Variants in CFHR5 observed in about 807,000 individuals in gnomAD.
The protein encoded by CFHR5 is complement factor H related 5.
In CFHR5, 73 loss-of-function variants were observed where a neutral mutation model predicts 62.9. The ratio of observed to expected loss-of-function variants is 1.16; its 90% CI spans 0.96 to 1.41. CFHR5 has a LOEUF of 1.41. CFHR5 is among the 40% of genes most tolerant of loss of function. The pLI is 0.00. For missense variants in CFHR5, 779 were observed against 679.9 expected, an observed-to-expected ratio of 1.15 and a Z score of -1.62; for synonymous variants, 249 against 227.2, an observed-to-expected ratio of 1.10 and a Z score of -0.86.
At chr1:196,990,459 C>A (rs560238773) in intron 3 of CFHR5, among the ~76,000 whole-genome samples, 76 of 152,174 alleles carry the variant, frequency 5.0e-4, no homozygotes, top group Non-Finnish European at 9.1e-4. Context: ...CAGTTTCTAC[C>A]TAGCATAGAT....
At chr1:196,993,058 A>G (rs1408085075) in intron 3 of CFHR5, among the ~76,000 whole-genome samples, 3 of 152,122 alleles carry the variant, frequency 2.0e-5, no homozygotes, top group African/African-American at 7.2e-5. Flanking sequence ...AATGAGAAAA[A>G]CACACATATT....
chr1:197,001,435 TAA>T (rs1466161631), intron 7 of CFHR5, among the ~76,000 whole-genome samples: 2 of 152,106 alleles, frequency 1.3e-5, no homozygotes, highest in Non-Finnish European at 2.9e-5. Context: ...TTAATCTAGC[TAA>T]ACCAGGAAAG....
intron 1 of CFHR5, 149 bp downstream of exon 1, chr1:196,977,871 A>G: frequency 2.8e-6 from 2 of 704,434 alleles, no homozygotes; most frequent in Non-Finnish European, 5.0e-6. Flanking sequence ...TTCTGGAAAT[A>G]TTTTCCAACA....
rs1360672252 is a variant in CFHR5 at position 197,004,745 on chromosome 1, CA to C, written c.1417del (p.Thr473GlnfsTer2). 5 of 1,613,048 alleles carry C rather than the reference CA, an allele frequency of 3.1e-6. No individual in the cohort carries two copies. Among genetic ancestry groups the C allele is most frequent in the Non-Finnish European group, 4.2e-6 (5 of 1,179,254 alleles). ...SFPLSVYPPG[S>X]TVTYRCQSFY... Reference sequence around the variant, plus strand: ...CCATTATCAGTATATCCTCCAGGGTCAACAGTGACGTACCGTTGCCAGTCCT... The same window carrying C: ...CCATTATCAGTATATCCTCCAGGGTCACAGTGACGTACCGTTGCCAGTCCT... On this transcript the variant is annotated frameshift_variant, in exon 9 of 10. Transcript: ENST00000256785. LOFTEE classifies it high-confidence loss of function.
At chr1:197,006,194 T>A (rs975118185) in intron 9 of CFHR5, among the ~76,000 whole-genome samples, 2 of 152,060 alleles carry the variant, frequency 1.3e-5, no homozygotes, top group Non-Finnish European at 2.9e-5. Flanking sequence ...ACCTAAAAAG[T>A]GTGTACCATG....
intron 2 of CFHR5, among the ~76,000 whole-genome samples, chr1:196,983,693 A>G (rs114117571): frequency 0.013 from 2,052 of 152,266 alleles, 39 homozygotes; most frequent in African/African-American, 0.045. Flanking sequence ...TTATATGAAG[A>G]TATTGTTTTG....
At position 196,995,641 on chromosome 1, in the gene CFHR5, T is replaced by C. The variant is rs1653968006; in HGVS notation, c.608-76T>C. 2.6e-5 allele frequency: 34 copies of C among 1,311,066 alleles called. 1 individual carries two copies. In the South Asian group the frequency reaches 3.7e-4, roughly 14 times the overall value. The allele number at this position is 1,311,066 out of a possible 1,614,324, so 81.2% of individuals were successfully genotyped here. A position where few individuals can be genotyped will look rare whatever the true frequency, so the allele number is the denominator to read the frequency against. ...AATATAAAGGCAATTAATTTCTAAG[T>C]CAAAAATTTAGTAACTCCACATTTT... On this transcript the variant is annotated intron_variant, in intron 4 of 9. Transcript: ENST00000256785.
intron 7 of CFHR5, 24 bp from the exon 8 acceptor site, chr1:197,002,458 T>G: frequency 1.3e-6 from 2 of 1,585,254 alleles, no homozygotes; most frequent in East Asian, 2.3e-5. Flanking sequence ...ATTAATCATA[T>G]AATTTAATTC....
intron 3 of CFHR5, among the ~76,000 whole-genome samples, chr1:196,992,626 A>C (rs1031794319): frequency 2.0e-5 from 3 of 152,224 alleles, no homozygotes; most frequent in African/African-American, 7.2e-5. Flanking sequence ...TGGGAGCTGC[A>C]GACCAGAGCT....
intron 6 of CFHR5, 124 bp downstream of exon 6, chr1:196,996,325 A>G: frequency 1.3e-6 from 1 of 770,396 alleles, no homozygotes; most frequent in Non-Finnish European, 2.2e-6. Flanking sequence ...CACAAGTAAA[A>G]TATGTCAATC....
At chr1:196,986,658 G>A (rs1419917620) in intron 3 of CFHR5, among the ~76,000 whole-genome samples, 1 of 151,986 alleles carries the variant, frequency 6.6e-6, no homozygotes, top group African/African-American at 2.4e-5. Flanking sequence ...TCAGAATGAT[G>A]GTTTCCAGGT....
At chr1:197,004,252 T>C (rs1654228642) in intron 8 of CFHR5, among the ~76,000 whole-genome samples, 1 of 152,144 alleles carries the variant, frequency 6.6e-6, no homozygotes, top group Admixed American at 6.5e-5. Flanking sequence ...GTGTCTGCAA[T>C]TCATTTTCAG....
chr1:196,997,651 G>A (rs1478339768), intron 6 of CFHR5, among the ~76,000 whole-genome samples: 1 of 152,216 alleles, frequency 6.6e-6, no homozygotes, highest in Non-Finnish European at 1.5e-5. Flanking sequence ...AGTTTTTGCT[G>A]AGCTTTTGAA....
intron 3 of CFHR5, 43 bp from the exon 4 acceptor site, chr1:196,994,037 C>A (rs755719869): frequency 1.4e-6 from 2 of 1,473,728 alleles, no homozygotes; most frequent in African/African-American, 1.4e-5. Flanking sequence ...AAATTTGTTT[C>A]TGCAATGAAA....
chr1:197,002,754 T>A, intron 8 of CFHR5, 90 bp downstream of exon 8: 2 of 1,080,404 alleles, frequency 1.9e-6, no homozygotes, highest in Non-Finnish European at 1.4e-6. Flanking sequence ...AACTTATGAC[T>A]AATCTGTTGC....
At chr1:196,992,180 G>A (rs988963364) in intron 3 of CFHR5, among the ~76,000 whole-genome samples, 10 of 152,168 alleles carry the variant, frequency 6.6e-5, no homozygotes, top group Non-Finnish European at 1.3e-4. Flanking sequence ...CTCTGTGGGC[G>A]TGGTAACTGC....
intron 3 of CFHR5, among the ~76,000 whole-genome samples, chr1:196,991,070 C>T (rs186266572): frequency 7.6e-4 from 115 of 151,858 alleles, no homozygotes; most frequent in Admixed American, 2.4e-3. Context: ...TTTCTTTTTA[C>T]TCTTTTTTCT....
At chr1:197,007,034 A>G (rs1270895724) in intron 9 of CFHR5, among the ~76,000 whole-genome samples, 1 of 151,748 alleles carries the variant, frequency 6.6e-6, no homozygotes, top group African/African-American at 2.4e-5. Context: ...ACAGGGTTTC[A>G]CCCTGTTGGC....
chr1:196,992,847 A>G (rs1332466339), intron 3 of CFHR5, among the ~76,000 whole-genome samples: 1 of 152,218 alleles, frequency 6.6e-6, no homozygotes, highest in Non-Finnish European at 1.5e-5. Flanking sequence ...AACTGTGATC[A>G]ATACATTAAA....
Sources: gnomAD v4.1 joint callset for allele counts (sites outside exome capture counted in the v4.1 genomes callset) on GRCh38, gnomAD v4.1.1 for gene constraint, MANE v1.5 for transcripts, NCBI Gene and HGNC (gene_info 2026-07-23, HGNC 2026-07-21) for gene names.